Variants in FOXN1 observed in about 807,000 individuals in gnomAD.
FOXN1 encodes forkhead box N1.
In FOXN1, 15 loss-of-function variants were observed where a neutral mutation model predicts 49.0. That is an observed-to-expected ratio of 0.31 (90% confidence interval 0.20 to 0.47). The LOEUF (loss-of-function observed/expected upper bound fraction) is 0.47. FOXN1 is among the 20% of genes least tolerant of loss of function. FOXN1 has a pLI of 1.00. For synonymous variants in FOXN1, 356 were observed against 369.0 expected, an observed-to-expected ratio of 0.96 and a Z score of 0.40; for missense variants, 800 against 842.8, an observed-to-expected ratio of 0.95 and a Z score of 0.63.
intron 8 of FOXN1, among the ~76,000 whole-genome samples, chr17:28,535,660 T>C (rs2070044627): frequency 6.6e-6 from 1 of 152,174 alleles, no homozygotes. Flanking sequence ...AGAGAATCAC[T>C]TGAACCCGGG....
intron 3 of FOXN1, among the ~76,000 whole-genome samples, chr17:28,526,294 T>G (rs918092248): frequency 1.3e-5 from 2 of 152,222 alleles, no homozygotes; most frequent in African/African-American, 4.8e-5. Flanking sequence ...GGCCCGAGAT[T>G]CTATGATTAT....
Position 28,534,215 on chromosome 17 carries a change from A to G in FOXN1, c.928-116A>G. ...TGCTGAGGAGGACAACAAGCCCCAG[A>G]GTGGGCGGCAGCTCTGTGCCCAGAG... is the stretch of plus-strand genomic sequence containing the variant. On this transcript the variant is annotated intron_variant, in intron 6 of 8. Transcript: ENST00000579795. The surrounding 1 kb of genome is among the most constrained non-coding windows in gnomAD (Gnocchi z 4.1). 1.3e-6 allele frequency: 2 copies of G among 1,485,722 alleles called. No individual in the cohort carries two copies. The highest frequency in any genetic ancestry group is 1.9e-6 in the Non-Finnish European group (2 of 1,078,228). 92.0% of individuals were successfully genotyped at this position (1,485,722 alleles called of 1,614,324 possible). A position where few individuals can be genotyped will look rare whatever the true frequency, so the allele number is the denominator to read the frequency against.
intron 1 of FOXN1, among the ~76,000 whole-genome samples, chr17:28,521,267 A>AC (rs2069635128): frequency 6.6e-6 from 1 of 152,042 alleles, no homozygotes; most frequent in African/African-American, 2.4e-5. Context: ...ACACCGTGCT[A>AC]CCCCACCTGC....
rs375002692 is a variant in FOXN1 at position 28,534,774 on chromosome 17, C to T, written c.1203C>T (p.Pro401=). 6.2e-7 allele frequency: 1 copy of T among 1,613,328 alleles called. No individual in the cohort carries two copies. Among genetic ancestry groups the T allele is most frequent in the Non-Finnish European group, 8.5e-7 (1 of 1,179,540 alleles). ...GCTCCCCACTCCTGGGCTGTCCGCC[C>T]CCTGGGCTGTCCGGCTCAGGCCCCA... ...KLGSPLLGCP[P]PGLSGSGPIR... is the part of the protein sequence containing the mutation. The change falls in exon 8 of 9, where the codon CCC becomes CCT. Residue 401 remains proline (P), a synonymous_variant. Transcript: ENST00000579795. The surrounding 1 kb of genome is among the most constrained non-coding windows in gnomAD (Gnocchi z 4.1).
Position 28,510,239 on chromosome 17 carries a change from C to A in FOXN1, c.-15+3796C>A, listed in dbSNP as rs1031383408. Among the ~76,000 whole-genome samples the A allele has an allele frequency of 4.6e-5, 7 of 152,166 alleles. No homozygotes were observed. In the East Asian group the frequency reaches 1.3e-3, roughly 29 times the overall value. On this transcript the variant is annotated intron_variant, in intron 1 of 8. Transcript: ENST00000579795. Reference sequence around the variant, plus strand: ...CCTCCGGGGCCTTCAGGGCTCCCCCCACTGCCTCTGACAAACTACAGCACA... The same window carrying A: ...CCTCCGGGGCCTTCAGGGCTCCCCCAACTGCCTCTGACAAACTACAGCACA...
In FOXN1 at chr17:28,514,990, C is replaced by A. The variant is rs116111433; in HGVS notation, c.-15+8547C>A. Among the ~76,000 whole-genome samples, 1,237 of 152,234 alleles carry A rather than the reference C, an allele frequency of 8.1e-3. 11 individuals carry two copies. Among genetic ancestry groups the A allele is most frequent in the African/African-American group, 0.028 (1,180 of 41,514 alleles). On this transcript the variant is annotated intron_variant, in intron 1 of 8. Transcript: ENST00000579795. Reference sequence around the variant, plus strand: ...CTGGCTTTGAAGCCCGGGTTGGAATCCTGGGGAGCATAATATACTAGCTGA... The same window carrying A: ...CTGGCTTTGAAGCCCGGGTTGGAATACTGGGGAGCATAATATACTAGCTGA...
intron 1 of FOXN1, among the ~76,000 whole-genome samples, chr17:28,522,819 C>T (rs1483794128): frequency 6.7e-6 from 1 of 149,290 alleles, no homozygotes; most frequent in East Asian, 1.9e-4. Flanking sequence ...GCCTGGGTGA[C>T]AGAGAGAGAC....
intron 1 of FOXN1, among the ~76,000 whole-genome samples, chr17:28,514,499 C>T (rs1037311426): frequency 2.0e-5 from 3 of 152,104 alleles, no homozygotes; most frequent in Admixed American, 6.5e-5. Flanking sequence ...TCCCAGACCC[C>T]GAGTTTCCTT....
intron 1 of FOXN1, among the ~76,000 whole-genome samples, chr17:28,511,765 G>A (rs2069401845): frequency 6.6e-6 from 1 of 152,088 alleles, no homozygotes; most frequent in Non-Finnish European, 1.5e-5. Context: ...CCCTCCTGCA[G>A]TCCTTGGTCG....
chr17:28,510,218 C>T (rs2069359315), intron 1 of FOXN1, among the ~76,000 whole-genome samples: 3 of 152,258 alleles, frequency 2.0e-5, no homozygotes, highest in Admixed American at 6.5e-5. Flanking sequence ...ATACACCCTC[C>T]GGGGCCTTCA....
chr17:28,537,569 T>C lies in FOXN1; in HGVS notation c.*133T>C, dbSNP rs991208077. The C allele has an allele frequency of 8.0e-5, 59 of 741,816 alleles. No individual in the cohort carries two copies. The South Asian group carries it at 8.3e-4, about 10-fold the overall frequency. 46.0% of individuals were successfully genotyped at this position (741,816 alleles called of 1,614,324 possible). A position where few individuals can be genotyped will look rare whatever the true frequency, so the allele number is the denominator to read the frequency against. Reference sequence around the variant, plus strand: ...CCCTATGCCACTAAGCCAACGTGTGTGTCAGCTGGTAGCTGGGGGCGCAGA... The same window carrying C: ...CCCTATGCCACTAAGCCAACGTGTGCGTCAGCTGGTAGCTGGGGGCGCAGA... On this transcript the variant is annotated 3_prime_UTR_variant, in exon 9 of 9. Coordinates refer to ENST00000579795, the MANE Select transcript of FOXN1 (RefSeq NM_001369369.1).
chr17:28,534,366 C>T lies in FOXN1; in HGVS notation c.963C>T (p.His321=), dbSNP rs1296633558. The T allele has an allele frequency of 6.2e-7, 1 of 1,614,198 alleles. No homozygotes were observed. Among genetic ancestry groups the T allele is most frequent in the Non-Finnish European group, 8.5e-7 (1 of 1,180,020 alleles). The change falls in exon 7 of 9, where the codon CAC becomes CAT. Residue 321 remains histidine (H), a synonymous_variant. Coordinates refer to ENST00000579795, the MANE Select transcript of FOXN1 (RefSeq NM_001369369.1). The surrounding 1 kb of genome is among the most constrained non-coding windows in gnomAD (Gnocchi z 4.1). ...APDGWKNSVR[H]NLSLNKCFEK... ...ATGGCTGGAAGAATTCTGTCCGGCA[C>T]AACCTATCCCTCAACAAGTGCTTCG...
Position 28,534,202 on chromosome 17 carries a change from C to A in FOXN1, c.928-129C>A. On this transcript the variant is annotated intron_variant, in intron 6 of 8. Coordinates refer to ENST00000579795, the MANE Select transcript of FOXN1 (RefSeq NM_001369369.1). The surrounding 1 kb of genome is among the most constrained non-coding windows in gnomAD (Gnocchi z 4.1). Reference sequence around the variant, plus strand: ...AGCAAGGGATGGGTGCTGAGGAGGACAACAAGCCCCAGAGTGGGCGGCAGC... The same window carrying A: ...AGCAAGGGATGGGTGCTGAGGAGGAAAACAAGCCCCAGAGTGGGCGGCAGC... 2 of 1,373,608 alleles carry A rather than the reference C, an allele frequency of 1.5e-6. No individual in the cohort carries two copies. The highest frequency in any genetic ancestry group is 2.0e-6 in the Non-Finnish European group (2 of 983,118). 85.1% of individuals were successfully genotyped at this position (1,373,608 alleles called of 1,614,324 possible). A position where few individuals can be genotyped will look rare whatever the true frequency, so the allele number is the denominator to read the frequency against.
At position 28,537,195 on chromosome 17, in the gene FOXN1, C is replaced by A. The variant is rs149225004; in HGVS notation, c.1706C>A (p.Ser569Tyr). The A allele has an allele frequency of 4.0e-5, 65 of 1,613,848 alleles. No homozygotes were observed. Among genetic ancestry groups the A allele is most frequent in the Non-Finnish European group, 8.5e-6 (10 of 1,179,844 alleles). ...LVLVTSSPTS[S>Y]SMPPPQPPPH... is the part of the protein sequence containing the mutation. Reference sequence around the variant, plus strand: ...CTGGTGACCTCATCCCCGACATCATCTTCGATGCCACCACCCCAGCCACCA... The same window carrying A: ...CTGGTGACCTCATCCCCGACATCATATTCGATGCCACCACCCCAGCCACCA... The change falls in exon 9 of 9, where the codon TCT becomes TAT. Residue 569 changes from serine (S) to tyrosine (Y), a missense_variant. Transcript: ENST00000579795.
chr17:28,518,014 G>T (rs2069563765), intron 1 of FOXN1, among the ~76,000 whole-genome samples: 2 of 148,598 alleles, frequency 1.3e-5, no homozygotes, highest in South Asian at 4.3e-4. Context: ...TACCTCCACA[G>T]GGTACACACC....
At chr17:28,511,863 G>A (rs1053046002) in intron 1 of FOXN1, among the ~76,000 whole-genome samples, 3 of 152,138 alleles carry the variant, frequency 2.0e-5, no homozygotes, top group Non-Finnish European at 2.9e-5. Flanking sequence ...ATAACGCCAG[G>A]TTACGGGGGA....
chr17:28,522,306 A>G (rs2069657098), intron 1 of FOXN1, among the ~76,000 whole-genome samples: 1 of 152,240 alleles, frequency 6.6e-6, no homozygotes, highest in African/African-American at 2.4e-5. Context: ...AGTACATTTA[A>G]GAGGAATTGC....
At chr17:28,535,270 T>TC (rs1007569073) in intron 8 of FOXN1, 72 bp downstream of exon 8, 115 of 1,517,722 alleles carry the variant, frequency 7.6e-5, no homozygotes, top group Non-Finnish European at 1.0e-4. Flanking sequence ...ACTCATCTTC[T>TC]CCAAGTCTCC....
chr17:28,518,382 C>T (rs1255457911), intron 1 of FOXN1, among the ~76,000 whole-genome samples: 1 of 152,242 alleles, frequency 6.6e-6, no homozygotes, highest in Non-Finnish European at 1.5e-5. Context: ...CTGGCTTCCA[C>T]TCCTAAACGG....
Sources: allele counts gnomAD v4.1 joint callset (sites outside exome capture counted in the v4.1 genomes callset), GRCh38; gene constraint gnomAD v4.1.1; non-coding constraint Gnocchi (gnomAD v3.1); transcripts MANE v1.5; gene names NCBI Gene and HGNC (gene_info 2026-07-23, HGNC 2026-07-21).